ZNF77: variants seen among roughly 807,000 people sequenced by gnomAD.
ZNF77 encodes the protein ZNFpT1.
Under a neutral mutation model 13.5 loss-of-function variants are expected in ZNF77, and 15 were observed. That is an observed-to-expected ratio of 1.11 (90% CI 0.74 to 1.71). ZNF77 has a LOEUF of 1.71. ZNF77 is among the 40% of genes most tolerant of loss of function. The probability of loss-of-function intolerance (pLI) is 0.00; values close to 1 mark genes in which losing one functional copy is unlikely to be tolerated. For synonymous variants in ZNF77, 282 were observed against 250.0 expected, an observed-to-expected ratio of 1.13 and a Z score of -1.21; for missense variants, 717 against 676.4, an observed-to-expected ratio of 1.06 and a Z score of -0.67.
In ZNF77 at chr19:2,934,795, CAG is replaced by C. The variant is rs745322064; in HGVS notation, c.330_331del (p.Cys111Ter). 8.7e-6 allele frequency: 14 copies of C among 1,610,250 alleles called. No individual in the cohort carries two copies. The highest frequency in any genetic ancestry group is 1.3e-5 in the African/African-American group (1 of 74,884). On this transcript the variant is annotated frameshift_variant, in exon 4 of 4. Coordinates refer to ENST00000314531, the MANE Select transcript of ZNF77 (RefSeq NM_021217.3). LOFTEE classifies it low-confidence loss of function (END_TRUNC). ...GCATTGATGACCTTCATTACTTTCA[CAG>C]AGTCTCCCCAGCTGACTTCTGTTCA...
At chr19:2,938,469 C>CA in intron 2 of ZNF77, among the ~76,000 whole-genome samples, 1 of 152,294 alleles carries the variant, frequency 6.6e-6, no homozygotes, top group Non-Finnish European at 1.5e-5. Flanking sequence ...CCCAACGTGA[C>CA]ACAGAATACT....
At position 2,934,333 on chromosome 19, in the gene ZNF77, T is replaced by C. The variant is rs1426266255; in HGVS notation, c.794A>G (p.Glu265Gly). 9 of 1,614,242 alleles carry C rather than the reference T, an allele frequency of 5.6e-6. No homozygotes were observed. The highest frequency in any genetic ancestry group is 7.6e-6 in the Non-Finnish European group (9 of 1,180,050). The change falls in exon 4 of 4, where the codon GAG (glutamate) becomes GGG (glycine). Residue 265 changes from glutamate (E) to glycine (G), a missense_variant. By Grantham distance (98) the Glu-to-Gly change is moderately conservative. Coordinates refer to ENST00000314531, the MANE Select transcript of ZNF77 (RefSeq NM_021217.3). ...LTRHVRTHTG[E>G]KPYECKECGK... ...ACACTCCTTACACTCATAGGGTTTC[T>C]CTCCTGTGTGAGTTCTTACGTGCCG...
At chr19:2,935,163 C>T (rs143314304) in intron 3 of ZNF77, among the ~76,000 whole-genome samples, 2,883 of 151,600 alleles carry the variant, frequency 0.019, 81 homozygotes, top group African/African-American at 0.065. Context: ...GGATTACAGG[C>T]GCCTGCCACC....
At chr19:2,944,615 C>G (rs999233570) in intron 1 of ZNF77, among the ~76,000 whole-genome samples, 1 of 151,770 alleles carries the variant, frequency 6.6e-6, no homozygotes, top group Non-Finnish European at 1.5e-5. Flanking sequence ...CCTGTACTGT[C>G]CCCAGAAACT....
At chr19:2,939,522 T>G in intron 1 of ZNF77, 115 bp from the exon 2 acceptor site, 1 of 1,478,480 alleles carries the variant, frequency 6.8e-7, no homozygotes, top group South Asian at 1.3e-5. Context: ...TATGTCCTTG[T>G]GAGAGGTGAC....
rs111380042 is a variant in ZNF77, at chr19:2,944,955, A to G, written c.-115T>C. The G allele has an allele frequency of 6.5e-3, 8,796 of 1,347,048 alleles. 425 individuals are homozygous for G. The African/African-American group carries it at 0.11, about 17-fold the overall frequency. 83.4% of individuals were successfully genotyped at this position (1,347,048 alleles called of 1,614,324 possible). ...GGGTAGGCGGGGAAGCGCGCAAGGC[A>G]GAGGGGAACTCGGCTTACCGTCCTC... is the stretch of plus-strand genomic sequence containing the variant. On this transcript the variant is annotated 5_prime_UTR_variant, in exon 1 of 4. Coordinates refer to ENST00000314531, the MANE Select transcript of ZNF77 (RefSeq NM_021217.3).
chr19:2,934,064 T>C lies in ZNF77; in HGVS notation c.1063A>G (p.Lys355Glu). ...TACCTGAAGGCTTTGCCGCATTCCT[T>C]ACATTCATAGGGTTTCTCTCCACTG... ...THSGEKPYEC[K>E]ECGKAFRYPS... Residue 355 changes from lysine to glutamate, a missense_variant, in exon 4 of 4, where the codon AAG (lysine) becomes GAG (glutamate). Coordinates refer to ENST00000314531, the MANE Select transcript of ZNF77 (RefSeq NM_021217.3). 1 of 1,614,172 alleles carries C rather than the reference T, an allele frequency of 6.2e-7. No homozygotes were observed. Among genetic ancestry groups the C allele is most frequent in the Non-Finnish European group, 8.5e-7 (1 of 1,180,026 alleles).
chr19:2,936,381 T>C, intron 3 of ZNF77, 143 bp downstream of exon 3: 1 of 803,834 alleles, frequency 1.2e-6, no homozygotes, highest in Non-Finnish European at 1.8e-6. Flanking sequence ...ACTACTAACC[T>C]CAGGTGATCC....
chr19:2,944,745 C>T, intron 1 of ZNF77, 93 bp downstream of exon 1: 1 of 1,446,228 alleles, frequency 6.9e-7, no homozygotes, highest in Non-Finnish European at 9.1e-7. Flanking sequence ...CCGCGCGTCC[C>T]TCAGCTTTCT....
chr19:2,942,939 C>A (rs138031457), intron 1 of ZNF77, among the ~76,000 whole-genome samples: 67 of 152,252 alleles, frequency 4.4e-4, no homozygotes, highest in African/African-American at 1.6e-3. Context: ...CACTACCACG[C>A]CCGGCTAATT....
At chr19:2,944,681 C>T (rs908161647) in intron 1 of ZNF77, among the ~76,000 whole-genome samples, 157 bp downstream of exon 1, 1 of 152,176 alleles carries the variant, frequency 6.6e-6, no homozygotes, top group Non-Finnish European at 1.5e-5. Flanking sequence ...CCAGCCCTAC[C>T]CCTCGGCCGC....
At chr19:2,941,426 G>A (rs1316790875) in intron 1 of ZNF77, among the ~76,000 whole-genome samples, 3 of 151,608 alleles carry the variant, frequency 2.0e-5, no homozygotes, top group African/African-American at 7.3e-5. Context: ...GCAGTGAGCT[G>A]AGATCAAGCC....
intron 1 of ZNF77, among the ~76,000 whole-genome samples, chr19:2,942,328 T>C (rs8110984): frequency 0.59 from 88,031 of 148,180 alleles, 26,348 homozygotes; most frequent in Middle Eastern, 0.63. Context: ...CCTCAGCCAC[T>C]CAAAGTGCTA....
In ZNF77 at chr19:2,934,731, G is replaced by T. The variant is rs34184381; in HGVS notation, c.396C>A (p.His132Gln). Residue 132 changes from histidine to glutamine, a missense_variant, in exon 4 of 4, where the codon CAC becomes CAA. By Grantham distance (24) the His-to-Gln change is conservative (BLOSUM62 0). Coordinates refer to ENST00000314531, the MANE Select transcript of ZNF77 (RefSeq NM_021217.3). ...GTTTAGCTTCGGTAGGGTAACTCTT[G>T]TGCACAAGAAGGTTCGCAGTCTGGC... ...TLSQTANLLVHKSYPTEAKPS... is the reference protein window; with the variant it reads ...TLSQTANLLVQKSYPTEAKPS... 599 of 1,614,142 alleles carry T rather than the reference G, an allele frequency of 3.7e-4. 1 individual carries two copies. In the African/African-American group the frequency reaches 6.9e-3, roughly 19 times the overall value.
Position 2,933,550 on chromosome 19 carries a change from C to G in ZNF77, c.1577G>C (p.Gly526Ala). 6 of 1,609,332 alleles carry G rather than the reference C, an allele frequency of 3.7e-6. No homozygotes were observed. The highest frequency in any genetic ancestry group is 5.1e-6 in the Non-Finnish European group (6 of 1,176,688). ...CGATGCGAGATACCTGAAGGTTTTCCCACACTGCTTGCATTCATACGGTCT... is the reference window on the plus strand; with the variant it reads ...CGATGCGAGATACCTGAAGGTTTTCGCACACTGCTTGCATTCATACGGTCT... The part of the protein sequence containing the change: ...GERPYECKQC[G>A]KTFRYLASLQ... Residue 526 changes from glycine (G) to alanine (A), a missense_variant, in exon 4 of 4, where the codon GGG becomes GCG. Physicochemically the swap from Gly to Ala is moderately conservative, Grantham distance 60. Coordinates refer to ENST00000314531, the MANE Select transcript of ZNF77 (RefSeq NM_021217.3).
rs2088482236 is a variant in ZNF77, at chr19:2,944,865, AG to A, written c.-26del. The A allele has an allele frequency of 2.0e-6, 3 of 1,524,342 alleles. No individual in the cohort carries two copies. The highest frequency in any genetic ancestry group is 2.6e-6 in the Non-Finnish European group (3 of 1,142,106). The allele number at this position is 1,524,342 out of a possible 1,614,324, so 94.4% of individuals were successfully genotyped here. A position where few individuals can be genotyped will look rare whatever the true frequency, so the allele number is the denominator to read the frequency against. On this transcript the variant is annotated 5_prime_UTR_variant, in exon 1 of 4. Transcript: ENST00000314531. Reference sequence around the variant, plus strand: ...TGTCCCGCCCGCTCCTGGGCTCTCCAGGGTTAGCGCCCCGCGGTCCAGCGAC... The same window carrying A: ...TGTCCCGCCCGCTCCTGGGCTCTCCAGGTTAGCGCCCCGCGGTCCAGCGAC...
At chr19:2,937,117 A>C (rs2088404736) in intron 2 of ZNF77, among the ~76,000 whole-genome samples, 1 of 152,152 alleles carries the variant, frequency 6.6e-6, no homozygotes, top group South Asian at 2.1e-4. Flanking sequence ...TGAGCCCAGG[A>C]GGTCAAAGCT....
At chr19:2,944,809 C>T in intron 1 of ZNF77, 29 bp downstream of exon 1, 3 of 1,513,026 alleles carry the variant, frequency 2.0e-6, no homozygotes. Flanking sequence ...TCGCCCTGGG[C>T]CCGGGCTCGG....
At chr19:2,935,329 T>C (rs2144960029) in intron 3 of ZNF77, among the ~76,000 whole-genome samples, 1 of 148,058 alleles carries the variant, frequency 6.8e-6, no homozygotes, top group Non-Finnish European at 1.5e-5. Flanking sequence ...TTTTTTTTTT[T>C]TTTTTGAGAT....
Sources: gnomAD v4.1 joint callset for allele counts (sites outside exome capture counted in the v4.1 genomes callset) on GRCh38, gnomAD v4.1.1 for gene constraint, MANE v1.5 for transcripts, NCBI Gene and HGNC (gene_info 2026-07-23, HGNC 2026-07-21) for gene names.